Variants in SYNDIG1L observed in about 807,000 individuals in gnomAD.
SYNDIG1L encodes the protein synapse differentiation inducing 1 like.
Under a neutral mutation model 20.1 loss-of-function variants are expected in SYNDIG1L, and 13 were observed. The ratio of observed to expected loss-of-function variants is 0.65; its 90% CI spans 0.42 to 1.03. SYNDIG1L has a LOEUF of 1.03. Among genes scored for constraint, SYNDIG1L ranks in the 50% least tolerant of loss-of-function variants. SYNDIG1L has a pLI of 0.00. For missense variants in SYNDIG1L, 294 were observed against 305.1 expected (o/e 0.96, Z 0.27); for synonymous variants, 128 against 129.3 (o/e 0.99, Z 0.07).
the SYNDIG1L span, among the ~76,000 whole-genome samples, chr14:74,473,108 G>A: frequency 6.6e-6 from 1 of 152,188 alleles, no homozygotes; most frequent in Non-Finnish European, 1.5e-5. Flanking sequence ...CAGGCTGGGC[G>A]CGGTGGCTCA....
chr14:74,408,334 C>T (rs1369137104), intron 2 of SYNDIG1L, among the ~76,000 whole-genome samples: 4 of 152,080 alleles, frequency 2.6e-5, no homozygotes, highest in Non-Finnish European at 5.9e-5. Context: ...GAGGCCGAGG[C>T]GGGTGGATCA....
the SYNDIG1L span, among the ~76,000 whole-genome samples, chr14:74,467,535 T>C: frequency 1.3e-5 from 2 of 152,126 alleles, no homozygotes; most frequent in African/African-American, 4.8e-5. Context: ...CCAAATGAAA[T>C]TGCCTTTTGC....
At chr14:74,449,693 T>C in the SYNDIG1L span, among the ~76,000 whole-genome samples, 1 of 151,084 alleles carries the variant, frequency 6.6e-6, no homozygotes, top group Non-Finnish European at 1.5e-5. Context: ...GGAATGCCAC[T>C]AGAGCAGTTA....
intron 1 of SYNDIG1L, among the ~76,000 whole-genome samples, chr14:74,416,009 G>A (rs1183517454): frequency 6.6e-6 from 1 of 152,058 alleles, no homozygotes; most frequent in Non-Finnish European, 1.5e-5. Context: ...CCACTTATTT[G>A]AAAGTCTAGG....
At chr14:74,478,818 T>C in the SYNDIG1L span, among the ~76,000 whole-genome samples, 1 of 152,204 alleles carries the variant, frequency 6.6e-6, no homozygotes, top group Non-Finnish European at 1.5e-5. Flanking sequence ...TTAGAGAGTA[T>C]ATACTATAGC....
upstream of SYNDIG1L, among the ~76,000 whole-genome samples, chr14:74,430,504 C>T (rs535877964): frequency 2.0e-5 from 3 of 151,638 alleles, no homozygotes; most frequent in East Asian, 3.9e-4. Context: ...GGCATGATCT[C>T]GGCTCACTGC....
At chr14:74,417,313 G>A (rs1392402670) in intron 1 of SYNDIG1L, among the ~76,000 whole-genome samples, 2 of 152,328 alleles carry the variant, frequency 1.3e-5, no homozygotes, top group Non-Finnish European at 1.5e-5. Flanking sequence ...AGGATTTGCT[G>A]TAGGGCTGAC....
chr14:74,466,394 G>A, the SYNDIG1L span, among the ~76,000 whole-genome samples: 2 of 152,176 alleles, frequency 1.3e-5, no homozygotes, highest in Non-Finnish European at 1.5e-5. Context: ...AGATGGAGCA[G>A]AGGCCCCAGG....
At chr14:74,449,438 C>CAAAAAAAAAAAAAAAAAAAAAAAA in the SYNDIG1L span, among the ~76,000 whole-genome samples, 5 of 34,000 alleles carry the variant, frequency 1.5e-4, 2 homozygotes, top group Non-Finnish European at 2.2e-4. Flanking sequence ...CCTGTCTTTA[C>CAAAAAAAAAAAAAAAAAAAAAAAA]AAAAAAAAAA....
chr14:74,452,373 T>C, the SYNDIG1L span, among the ~76,000 whole-genome samples: 1 of 152,132 alleles, frequency 6.6e-6, no homozygotes, highest in Admixed American at 6.5e-5. Context: ...GGGAGGAACA[T>C]GGTAGGAGAT....
chr14:74,408,291 C>T (rs1266774131), intron 2 of SYNDIG1L, among the ~76,000 whole-genome samples: 2 of 152,222 alleles, frequency 1.3e-5, no homozygotes, highest in East Asian at 3.8e-4. Context: ...GGGCCAGTCA[C>T]AGCGGCTCAC....
At chr14:74,418,687 G>A (rs967959580) in intron 1 of SYNDIG1L, among the ~76,000 whole-genome samples, 1 of 152,094 alleles carries the variant, frequency 6.6e-6, no homozygotes, top group Admixed American at 6.5e-5. Context: ...TGGAACACTC[G>A]CTCTTGGAAT....
the SYNDIG1L span, among the ~76,000 whole-genome samples, chr14:74,458,465 T>A: frequency 2.1e-5 from 3 of 143,106 alleles, no homozygotes; most frequent in East Asian, 6.1e-4. Context: ...TAAAAAAAAA[T>A]ACAAAAATTA....
the SYNDIG1L span, among the ~76,000 whole-genome samples, chr14:74,431,603 C>T: frequency 6.6e-6 from 1 of 152,016 alleles, no homozygotes; most frequent in Non-Finnish European, 1.5e-5. Flanking sequence ...AATGACTGGG[C>T]AAGATTTGAA....
chr14:74,409,273 G>A lies in SYNDIG1L; in HGVS notation c.417+55C>T, dbSNP rs929957571. 34 of 1,265,216 alleles carry A rather than the reference G, an allele frequency of 2.7e-5. No homozygotes were observed. In the South Asian group the frequency reaches 3.0e-4, roughly 11 times the overall value. The allele number at this position is 1,265,216 out of a possible 1,614,324, so 78.4% of individuals were successfully genotyped here. Reference sequence around the variant, plus strand: ...TTCAATTTTTTTTTTTTGTAGAGTCGGGGTCTCCTTGTGTTGCTCATGCTG... The same window carrying A: ...TTCAATTTTTTTTTTTTGTAGAGTCAGGGTCTCCTTGTGTTGCTCATGCTG... On this transcript the variant is annotated intron_variant, in intron 2 of 3. Coordinates refer to ENST00000331628, the MANE Select transcript of SYNDIG1L (RefSeq NM_001105579.2).
the SYNDIG1L span, among the ~76,000 whole-genome samples, chr14:74,441,352 C>G: frequency 3.3e-5 from 5 of 152,204 alleles, no homozygotes; most frequent in Non-Finnish European, 7.3e-5. Flanking sequence ...GGACACTGAG[C>G]TCCTGCCCTG....
chr14:74,414,644 T>C (rs1233975726), intron 1 of SYNDIG1L, among the ~76,000 whole-genome samples: 1 of 152,214 alleles, frequency 6.6e-6, no homozygotes, highest in Non-Finnish European at 1.5e-5. Context: ...GAGGAGTTGA[T>C]TTTTAACAAC....
At chr14:74,410,469 G>A (rs2086121971) in intron 1 of SYNDIG1L, among the ~76,000 whole-genome samples, 1 of 152,156 alleles carries the variant, frequency 6.6e-6, no homozygotes, top group African/African-American at 2.4e-5. Flanking sequence ...AGTCTAAGAG[G>A]GGGTACTAGG....
upstream of SYNDIG1L, among the ~76,000 whole-genome samples, chr14:74,428,954 G>A (rs998725006): frequency 3.3e-5 from 5 of 152,204 alleles, no homozygotes; most frequent in African/African-American, 1.2e-4. Flanking sequence ...TTACCAGAGG[G>A]CATCAGGAGG....
Sources: allele counts gnomAD v4.1 joint callset (sites outside exome capture counted in the v4.1 genomes callset), GRCh38; gene constraint gnomAD v4.1.1; transcripts MANE v1.5; gene names NCBI Gene and HGNC (gene_info 2026-07-23, HGNC 2026-07-21).